USP49: variants seen among roughly 807,000 people sequenced by gnomAD.
The protein encoded by USP49 is ubiquitin carboxyl-terminal hydrolase 49.
USP49 carries 24 observed loss-of-function variants against 58.6 expected under a neutral mutation model. That is an observed-to-expected ratio of 0.41 (90% CI 0.30 to 0.58). The LOEUF is 0.58. USP49 is among the 20% of genes least tolerant of loss of function. The probability of loss-of-function intolerance (pLI) is 0.30; values close to 1 mark genes in which losing one functional copy is unlikely to be tolerated. For missense variants in USP49, 703 were observed against 866.1 expected, an observed-to-expected ratio of 0.81 and a Z score of 2.36; for synonymous variants, 408 against 365.1, an observed-to-expected ratio of 1.12 and a Z score of -1.34.
At chr6:41,839,819 AT>A (rs1391930225) in intron 3 of USP49, among the ~76,000 whole-genome samples, 1 of 134,194 alleles carries the variant, frequency 7.5e-6, no homozygotes, top group African/African-American at 2.7e-5. Context: ...GAATGATATA[AT>A]GGATTTGGGG....
At chr6:41,849,792 G>C (rs1356578504) in intron 3 of USP49, among the ~76,000 whole-genome samples, 1 of 151,936 alleles carries the variant, frequency 6.6e-6, no homozygotes, top group Non-Finnish European at 1.5e-5. Flanking sequence ...TATTTTAGTA[G>C]AGACAAGGTT....
intron 3 of USP49, among the ~76,000 whole-genome samples, chr6:41,844,369 A>T (rs1035791440): frequency 2.0e-5 from 3 of 148,312 alleles, no homozygotes; most frequent in South Asian, 2.1e-4. Flanking sequence ...CCCGGGCTGG[A>T]GTGAGGGGCA....
chr6:41,840,376 A>T (rs1176940742), intron 3 of USP49, among the ~76,000 whole-genome samples: 1 of 150,914 alleles, frequency 6.6e-6, no homozygotes, highest in Non-Finnish European at 1.5e-5. Flanking sequence ...TCCGTCTCAA[A>T]AAAAAAAAAA....
rs879204915 is a variant in USP49 at position 41,798,919 on chromosome 6, G to T, written c.1681C>A (p.Arg561Ser). 1 of 1,612,118 alleles carries T rather than the reference G, an allele frequency of 6.2e-7. No individual in the cohort carries two copies. Among genetic ancestry groups the T allele is most frequent in the Non-Finnish European group, 8.5e-7 (1 of 1,179,414 alleles). Residue 561 changes from arginine (R) to serine (S), a missense_variant, in exon 7 of 8, where the codon CGT becomes AGT. By Grantham distance (110) the Arg-to-Ser change is moderately radical (BLOSUM62 -1). Coordinates refer to ENST00000682992, the MANE Select transcript of USP49 (RefSeq NM_001286554.2). ...ACCCCAATCTTCTCTCGATGATTAC[G>T]GCCAGACCACCTAGAACATGGATAT... Reference protein sequence around the residue: ...LHLKRFRWSGRNHREKIGVHV... With the variant: ...LHLKRFRWSGSNHREKIGVHV...
rs1163575158 is a variant in USP49, at chr6:41,790,626, A to T, written c.*5907T>A. The T allele has an allele frequency of 6.6e-6, 1 of 152,236 alleles. No homozygotes were observed. Among genetic ancestry groups the T allele is most frequent in the Non-Finnish European group, 1.5e-5 (1 of 68,044 alleles). The allele number at this position is 152,236 out of a possible 1,614,324, so 9.4% of individuals were successfully genotyped here. On this transcript the variant is annotated 3_prime_UTR_variant, in exon 8 of 8. Transcript: ENST00000682992. The stretch of plus-strand genomic sequence containing the variant: ...TATATAAGGACCACAGTGGCCTGTT[A>T]AGGATGACAGATGTCTCTAGCAGTT...
intron 3 of USP49, among the ~76,000 whole-genome samples, chr6:41,843,647 C>G (rs541457221): frequency 6.6e-6 from 1 of 152,124 alleles, no homozygotes; most frequent in Non-Finnish European, 1.5e-5. Context: ...GTGGCTCACA[C>G]CTGTAATCCT....
In USP49 at chr6:41,805,816, G is replaced by C. The variant is rs780000974; in HGVS notation, c.1168C>G (p.Pro390Ala). 6.2e-7 allele frequency: 1 copy of C among 1,614,072 alleles called. No individual in the cohort carries two copies. Among genetic ancestry groups the C allele is most frequent in the Non-Finnish European group, 8.5e-7 (1 of 1,180,008 alleles). Reference sequence around the variant, plus strand: ...TGTTGGTCGTAGCCGCGGAAGGCAGGGATCAGGCTCCACACTGAGTGGAGC... The same window carrying C: ...TGTTGGTCGTAGCCGCGGAAGGCAGCGATCAGGCTCCACACTGAGTGGAGC... ...AMLHSVWSLI[P>A]AFRGYDQQDA... Residue 390 changes from proline (P) to alanine (A), a missense_variant, in exon 4 of 8, where the codon CCT (proline) becomes GCT (alanine). By Grantham distance (27) the Pro-to-Ala change is conservative (BLOSUM62 -1). Transcript: ENST00000682992.
intron 3 of USP49, among the ~76,000 whole-genome samples, chr6:41,835,933 C>G (rs1773718567): frequency 6.6e-6 from 1 of 151,896 alleles, no homozygotes; most frequent in Admixed American, 6.6e-5. Context: ...AAAAAATTAG[C>G]TGGGCATGGT....
chr6:41,867,500 C>G (rs1027015194), intron 3 of USP49, among the ~76,000 whole-genome samples: 1 of 149,988 alleles, frequency 6.7e-6, no homozygotes, highest in Non-Finnish European at 1.5e-5. Context: ...TCCCAGCACT[C>G]TGGGAGGCTG....
chr6:41,836,402 C>T (rs1773727788), intron 3 of USP49, among the ~76,000 whole-genome samples: 2 of 152,068 alleles, frequency 1.3e-5, no homozygotes, highest in Non-Finnish European at 2.9e-5. Flanking sequence ...ATGACAAACC[C>T]ACAGCCAACA....
chr6:41,850,409 C>A (rs574128873), intron 3 of USP49, among the ~76,000 whole-genome samples: 217 of 150,536 alleles, frequency 1.4e-3, no homozygotes, highest in African/African-American at 5.1e-3. Flanking sequence ...TGCCACTACA[C>A]TCCAGCCTGG....
intron 3 of USP49, among the ~76,000 whole-genome samples, chr6:41,811,029 A>G (rs1581996790): frequency 1.3e-5 from 2 of 152,136 alleles, no homozygotes; most frequent in East Asian, 3.8e-4. Flanking sequence ...GCCTAGTCCT[A>G]TTTATGTGTG....
chr6:41,853,430 T>C (rs1432796612), intron 3 of USP49, among the ~76,000 whole-genome samples: 2 of 152,310 alleles, frequency 1.3e-5, no homozygotes, highest in Admixed American at 6.5e-5. Context: ...AAATGAAAAC[T>C]GTTGCAAAAT....
chr6:41,828,732 C>T (rs746469586), intron 3 of USP49, among the ~76,000 whole-genome samples: 20 of 152,240 alleles, frequency 1.3e-4, no homozygotes, highest in African/African-American at 2.4e-4. Context: ...AATCATATGA[C>T]GCATCTTATA....
At chr6:41,865,030 T>G (rs1774285858) in intron 3 of USP49, among the ~76,000 whole-genome samples, 1 of 152,212 alleles carries the variant, frequency 6.6e-6, no homozygotes, top group East Asian at 1.9e-4. Context: ...TATCTCATTT[T>G]TTTTATTTTT....
At chr6:41,866,208 T>G (rs957865077) in intron 3 of USP49, among the ~76,000 whole-genome samples, 5 of 152,056 alleles carry the variant, frequency 3.3e-5, no homozygotes, top group African/African-American at 1.2e-4. Flanking sequence ...CGTTAGCCAC[T>G]GCACCCGGCC....
chr6:41,854,710 C>T (rs1774095117), intron 3 of USP49, among the ~76,000 whole-genome samples: 1 of 152,132 alleles, frequency 6.6e-6, no homozygotes. Flanking sequence ...TTTAAAGATC[C>T]ATTAAATCAA....
At chr6:41,860,583 C>T (rs1204553642) in intron 3 of USP49, among the ~76,000 whole-genome samples, 8 of 152,142 alleles carry the variant, frequency 5.3e-5, no homozygotes, top group Non-Finnish European at 1.2e-4. Context: ...TCTCGGCTCA[C>T]TGCAACCTCC....
chr6:41,885,338 T>G (rs1774690394), intron 2 of USP49, among the ~76,000 whole-genome samples: 2 of 152,216 alleles, frequency 1.3e-5, no homozygotes, highest in South Asian at 4.1e-4. Flanking sequence ...AATTACCCGT[T>G]CACCCCTTTT....
Sources: allele counts gnomAD v4.1 joint callset (sites outside exome capture counted in the v4.1 genomes callset), GRCh38; gene constraint gnomAD v4.1.1; transcripts MANE v1.5; gene names NCBI Gene and HGNC (gene_info 2026-07-23, HGNC 2026-07-21).